The following GFRA1 variants were observed in gnomAD, a reference collection of about 807,000 sequenced individuals.
The protein encoded by GFRA1 is GDNF family receptor alpha 1, also known as GDNF family receptor alpha-1.
GFRA1 carries 16 observed loss-of-function variants against 51.6 expected under a neutral mutation model. The ratio of observed to expected loss-of-function variants is 0.31; its 90% CI spans 0.21 to 0.47. GFRA1 has a LOEUF of 0.47. GFRA1 is among the 20% of genes least tolerant of loss of function. GFRA1 has a pLI of 1.00. For synonymous variants in GFRA1, 270 were observed against 241.3 expected (o/e 1.12, Z -1.10); for missense variants, 530 against 594.3 (o/e 0.89, Z 1.13).
chr10:116,112,325 C>A (rs545001317), intron 6 of GFRA1, among the ~76,000 whole-genome samples: 4 of 152,156 alleles, frequency 2.6e-5, no homozygotes, highest in South Asian at 4.1e-4. Flanking sequence ...GGGTGCTTCC[C>A]GGGACCTGAA....
intron 4 of GFRA1, among the ~76,000 whole-genome samples, chr10:116,262,856 A>G (rs1262344919): frequency 1.3e-5 from 2 of 152,122 alleles, no homozygotes. Context: ...GGGGTACTGG[A>G]AAGATTTATG....
chr10:116,226,696 TAC>T, intron 4 of GFRA1: 2 of 273,136 alleles, frequency 7.3e-6, no homozygotes, highest in South Asian at 7.3e-5. Flanking sequence ...TTTCTATTAG[TAC>T]TACATTGTAA....
intron 4 of GFRA1, among the ~76,000 whole-genome samples, chr10:116,264,566 T>C (rs1969522496): frequency 6.6e-6 from 1 of 152,200 alleles, no homozygotes; most frequent in South Asian, 2.1e-4. Flanking sequence ...GAGGGAGCCC[T>C]GAGTAGAATT....
intron 5 of GFRA1, among the ~76,000 whole-genome samples, chr10:116,150,018 A>G (rs943587869): frequency 6.6e-6 from 1 of 152,196 alleles, no homozygotes; most frequent in Non-Finnish European, 1.5e-5. Flanking sequence ...TATGTCCAAC[A>G]TAGTACCAAC....
In GFRA1 at chr10:116,255,893, G is replaced by A. The variant is rs55689361; in HGVS notation, c.418+13610C>T. The A allele has an allele frequency of 7.6e-5, 18 of 237,274 alleles. No individual in the cohort carries two copies. In the East Asian group the frequency reaches 9.0e-4, roughly 12 times the overall value. 14.7% of individuals were successfully genotyped at this position (237,274 alleles called of 1,614,324 possible). The stretch of plus-strand genomic sequence containing the variant: ...TGGACTGACTGGTAATTGGAATTTC[G>A]GGTATGGCTATTGTTTTTCTTTTCA... On this transcript the variant is annotated intron_variant, in intron 4 of 10. Transcript: ENST00000355422.
At chr10:116,214,893 CA>C (rs941154364) in intron 4 of GFRA1, among the ~76,000 whole-genome samples, 1 of 152,144 alleles carries the variant, frequency 6.6e-6, no homozygotes, top group African/African-American at 2.4e-5. Context: ...CTTTAGCAGA[CA>C]AATATACATG....
At chr10:116,076,959 G>C (rs116753362) in intron 9 of GFRA1, among the ~76,000 whole-genome samples, 1 of 152,068 alleles carries the variant, frequency 6.6e-6, no homozygotes, top group African/African-American at 2.4e-5. Context: ...TGTATTACTC[G>C]TAATGAGAAT....
At chr10:116,215,226 T>C (rs1414991436) in intron 4 of GFRA1, among the ~76,000 whole-genome samples, 3 of 152,210 alleles carry the variant, frequency 2.0e-5, no homozygotes, top group African/African-American at 7.2e-5. Context: ...GCACAAATGA[T>C]TCATGGACAG....
intron 9 of GFRA1, among the ~76,000 whole-genome samples, chr10:116,072,972 C>G (rs1955468912): frequency 6.6e-6 from 1 of 152,094 alleles, no homozygotes; most frequent in Non-Finnish European, 1.5e-5. Context: ...GGTTGATGGT[C>G]ATTCTTTGAT....
chr10:116,084,803 CACACACACAG>C (rs1183012690), intron 9 of GFRA1, among the ~76,000 whole-genome samples: 3 of 133,598 alleles, frequency 2.2e-5, no homozygotes, highest in Admixed American at 7.6e-5. Flanking sequence ...CACACACACA[CACACACACAG>C]TCCATTTGGT....
At chr10:116,131,858 G>T (rs1348375796) in intron 5 of GFRA1, among the ~76,000 whole-genome samples, 1 of 139,478 alleles carries the variant, frequency 7.2e-6, no homozygotes, top group African/African-American at 2.7e-5. Flanking sequence ...AAAACTCAGA[G>T]ATAGTATGCT....
chr10:116,101,304 T>C (rs1271535121), intron 6 of GFRA1, among the ~76,000 whole-genome samples: 3 of 152,138 alleles, frequency 2.0e-5, no homozygotes, highest in African/African-American at 7.2e-5. Flanking sequence ...TCTGGAGACA[T>C]GAAATCTCCA....
Position 116,060,814 on chromosome 10 carries a change from T to TCTAACTAA in GFRA1, c.*3576_*3583dup, listed in dbSNP as rs149427935. On this transcript the variant is annotated 3_prime_UTR_variant, in exon 11 of 11. Coordinates refer to ENST00000355422, the MANE Select transcript of GFRA1 (RefSeq NM_005264.8). ...TATTGATTCAAGTACATCGTGCATG[T>TCTAACTAA]CTAACTAACTGCATGAATGAAAACT... 6.6e-6 allele frequency: 1 copy of TCTAACTAA among 151,668 alleles called. No homozygotes were observed. Among genetic ancestry groups the TCTAACTAA allele is most frequent in the Non-Finnish European group, 1.5e-5 (1 of 67,946 alleles). 9.4% of individuals were successfully genotyped at this position (151,668 alleles called of 1,614,324 possible).
chr10:116,252,470 C>T (rs758033685), intron 4 of GFRA1, among the ~76,000 whole-genome samples: 1 of 152,160 alleles, frequency 6.6e-6, no homozygotes, highest in Admixed American at 6.5e-5. Flanking sequence ...GCAGGTGATA[C>T]CAAGTGAGGT....
At chr10:116,210,649 A>G (rs1371227511) in intron 5 of GFRA1, among the ~76,000 whole-genome samples, 1 of 152,206 alleles carries the variant, frequency 6.6e-6, no homozygotes, top group Non-Finnish European at 1.5e-5. Flanking sequence ...CTTCTATCAG[A>G]GAAGGCAGAT....
chr10:116,064,981 C>T (rs189274321), intron 10 of GFRA1, among the ~76,000 whole-genome samples: 1 of 152,200 alleles, frequency 6.6e-6, no homozygotes, highest in African/African-American at 2.4e-5. Flanking sequence ...AAGAGCTTGC[C>T]CTGCTTGTTG....
At chr10:116,153,758 T>C (rs1335891279) in intron 5 of GFRA1, among the ~76,000 whole-genome samples, 3 of 152,170 alleles carry the variant, frequency 2.0e-5, no homozygotes, top group Non-Finnish European at 4.4e-5. Flanking sequence ...CTGCATTAAG[T>C]AAACTTCTGT....
intron 6 of GFRA1, among the ~76,000 whole-genome samples, chr10:116,105,819 A>G (rs1275841522): frequency 6.6e-6 from 1 of 152,228 alleles, no homozygotes; most frequent in Non-Finnish European, 1.5e-5. Context: ...GATGCTCAGA[A>G]GAAAAACTGC....
Position 116,065,597 on chromosome 10 carries a change from G to T in GFRA1, c.1227C>A (p.Gly409=). 6.2e-7 allele frequency: 1 copy of T among 1,613,362 alleles called. No homozygotes were observed. The highest frequency in any genetic ancestry group is 8.5e-7 in the Non-Finnish European group (1 of 1,179,442). Residue 409 remains glycine (G), a synonymous_variant, in exon 10 of 11, where the codon GGC becomes GGA. Transcript: ENST00000355422. ...CATTGGAAATACAGAGGTGTGTATT[G>T]CCCGACACATTGGATTTCAGCTTCT... is the stretch of plus-strand genomic sequence containing the variant. ...QAQKLKSNVS[G]NTHLCISNGN...
Sources: allele counts gnomAD v4.1 joint callset (sites outside exome capture counted in the v4.1 genomes callset), GRCh38; gene constraint gnomAD v4.1.1; transcripts MANE v1.5; gene names NCBI Gene and HGNC (gene_info 2026-07-23, HGNC 2026-07-21).